The following EYS variants were observed in gnomAD, a reference collection of about 807,000 sequenced individuals.
The protein encoded by EYS is EGF-like photoreceptor maintenance factor, also known as protein eyes shut homolog.
Under a neutral mutation model 282.1 loss-of-function variants are expected in EYS, and 250 were observed. The ratio of observed to expected loss-of-function variants is 0.89; its 90% CI spans 0.80 to 0.98. The LOEUF (loss-of-function observed/expected upper bound fraction) is 0.98, where lower values mean the gene tolerates loss of function less well. Among genes scored for constraint, EYS ranks in the 50% least tolerant of loss-of-function variants. The probability of loss-of-function intolerance (pLI) is 0.00; values close to 1 mark genes in which losing one functional copy is unlikely to be tolerated. For synonymous variants in EYS, 1,355 were observed against 1,282.9 expected, an observed-to-expected ratio of 1.06 and a Z score of -1.20; for missense variants, 4,016 against 3,709.0, an observed-to-expected ratio of 1.08 and a Z score of -2.15.
chr6:65,272,247 T>A (rs1050546385), intron 12 of EYS, among the ~76,000 whole-genome samples: 3 of 152,280 alleles, frequency 2.0e-5, no homozygotes, highest in South Asian at 4.1e-4. Flanking sequence ...TTATCTCTAT[T>A]GCCAGATCAT....
chr6:65,012,741 G>A (rs1479305324), intron 13 of EYS, among the ~76,000 whole-genome samples: 1 of 148,840 alleles, frequency 6.7e-6, no homozygotes, highest in Non-Finnish European at 1.5e-5. Context: ...TATCATTAGT[G>A]TCCATAAAAT....
chr6:65,340,262 T>C (rs1038699850), intron 10 of EYS, among the ~76,000 whole-genome samples: 1 of 151,296 alleles, frequency 6.6e-6, no homozygotes, highest in African/African-American at 2.4e-5. Flanking sequence ...TTTTGTAGCA[T>C]GGTTGTAGAA....
intron 12 of EYS, among the ~76,000 whole-genome samples, chr6:65,185,890 C>A (rs1027572848): frequency 1.3e-5 from 2 of 151,688 alleles, no homozygotes; most frequent in African/African-American, 4.8e-5. Flanking sequence ...CCCAGTTTTA[C>A]TATGTCCATG....
intron 31 of EYS, among the ~76,000 whole-genome samples, chr6:64,109,693 G>A (rs540427925): frequency 1.3e-5 from 2 of 152,050 alleles, no homozygotes; most frequent in Non-Finnish European, 2.9e-5. Context: ...ACCTAAAAAG[G>A]TTCAGTAGTA....
At chr6:64,253,461 A>G (rs1562273588) in intron 30 of EYS, among the ~76,000 whole-genome samples, 1 of 152,176 alleles carries the variant, frequency 6.6e-6, no homozygotes, top group Non-Finnish European at 1.5e-5. Context: ...TTCTTGTGAG[A>G]GCAACAAACA....
chr6:65,391,414 A>G (rs994779885), intron 7 of EYS, among the ~76,000 whole-genome samples: 12 of 152,056 alleles, frequency 7.9e-5, no homozygotes, highest in African/African-American at 2.9e-4. Context: ...ATTGATTCAA[A>G]AAAACCCCAT....
chr6:64,292,600 A>AAT (rs1248041113), intron 30 of EYS, among the ~76,000 whole-genome samples: 1 of 152,034 alleles, frequency 6.6e-6, no homozygotes, highest in Non-Finnish European at 1.5e-5. Context: ...GAGGATAGCT[A>AAT]ATATATATTT....
At chr6:63,876,571 G>A (rs1204749492) in intron 35 of EYS, among the ~76,000 whole-genome samples, 3 of 151,558 alleles carry the variant, frequency 2.0e-5, no homozygotes, top group Non-Finnish European at 4.4e-5. Context: ...TGACAGTGGG[G>A]TGTTAAAGTC....
intron 31 of EYS, among the ~76,000 whole-genome samples, chr6:64,125,825 A>C (rs1367330592): frequency 4.0e-5 from 6 of 151,318 alleles, no homozygotes; most frequent in Admixed American, 3.3e-4. Context: ...CAACTCTCAA[A>C]CATCAGAGAG....
intron 24 of EYS, among the ~76,000 whole-genome samples, chr6:64,594,746 C>T (rs1394103149): frequency 4.6e-5 from 7 of 150,770 alleles, no homozygotes; most frequent in African/African-American, 9.7e-5. Flanking sequence ...TGCTAAATGA[C>T]GAGTTAATGG....
intron 29 of EYS, among the ~76,000 whole-genome samples, chr6:64,387,811 T>A (rs1317482293): frequency 1.3e-5 from 2 of 152,232 alleles, no homozygotes; most frequent in Non-Finnish European, 2.9e-5. Flanking sequence ...CTTATTTCCT[T>A]AAAGGCATAT....
intron 13 of EYS, among the ~76,000 whole-genome samples, chr6:65,014,454 T>C (rs1771979604): frequency 6.6e-6 from 1 of 152,172 alleles, no homozygotes; most frequent in South Asian, 2.1e-4. Context: ...TAAGACATCT[T>C]CAGTGCTATT....
At chr6:64,969,382 A>G (rs905322513) in intron 14 of EYS, among the ~76,000 whole-genome samples, 1 of 152,232 alleles carries the variant, frequency 6.6e-6, no homozygotes, top group Non-Finnish European at 1.5e-5. Flanking sequence ...GTGGGAGTGG[A>G]AATCACAATA....
chr6:64,946,703 C>T (rs1347394335), intron 14 of EYS, among the ~76,000 whole-genome samples: 1 of 151,758 alleles, frequency 6.6e-6, no homozygotes, highest in African/African-American at 2.4e-5. Flanking sequence ...GGCTATAAAA[C>T]ATTGAAACAT....
intron 22 of EYS, among the ~76,000 whole-genome samples, chr6:64,644,312 C>A (rs1412329796): frequency 6.2e-5 from 1 of 16,228 alleles, no homozygotes; most frequent in African/African-American, 1.5e-4. Flanking sequence ...CTTAATTAGG[C>A]AGAGTTAATT....
intron 22 of EYS, among the ~76,000 whole-genome samples, chr6:64,766,725 C>G (rs537570566): frequency 1.6e-5 from 2 of 124,336 alleles, no homozygotes; most frequent in African/African-American, 6.1e-5. Flanking sequence ...CACTGAGAAA[C>G]AAATACGAGA....
In EYS at chr6:64,209,817, C is replaced by CA. The variant is rs564848142; in HGVS notation, c.6424+20774dup. ...AGCTTATTTTCAAATCACCTCCTGA[C>CA]AGTCTGGTTGTGGCTCTGTTTTTTA... On this transcript the variant is annotated intron_variant, in intron 31 of 42. Transcript: ENST00000503581. 5.9e-5 allele frequency among the ~76,000 whole-genome samples: 9 copies of CA among 152,250 alleles called. No individual in the cohort carries two copies. In the South Asian group the frequency reaches 1.9e-3, roughly 32 times the overall value.
At chr6:64,298,434 G>C (rs1582558130) in intron 30 of EYS, among the ~76,000 whole-genome samples, 1 of 152,162 alleles carries the variant, frequency 6.6e-6, no homozygotes, top group African/African-American at 2.4e-5. Flanking sequence ...TGGGAACAGA[G>C]CTGTTAAAGG....
chr6:64,719,312 G>C (rs1013076688), intron 22 of EYS, among the ~76,000 whole-genome samples: 1 of 151,974 alleles, frequency 6.6e-6, no homozygotes, highest in Non-Finnish European at 1.5e-5. Flanking sequence ...CGGAGTTCTG[G>C]GATATGTTTT....
Sources: allele counts gnomAD v4.1 joint callset (sites outside exome capture counted in the v4.1 genomes callset), GRCh38; gene constraint gnomAD v4.1.1; transcripts MANE v1.5; gene names NCBI Gene and HGNC (gene_info 2026-07-23, HGNC 2026-07-21).